Variants in PPP1R9A observed in about 807,000 individuals in gnomAD.
PPP1R9A encodes neurabin-1.
PPP1R9A carries 59 observed loss-of-function variants against 141.9 expected under a neutral mutation model. The ratio of observed to expected loss-of-function variants is 0.42; its 90% CI spans 0.34 to 0.52. The LOEUF (loss-of-function observed/expected upper bound fraction) is 0.52, where lower values mean the gene tolerates loss of function less well. PPP1R9A is among the 20% of genes least tolerant of loss of function. The probability of loss-of-function intolerance (pLI) is 0.10; values close to 1 mark genes in which losing one functional copy is unlikely to be tolerated. For missense variants in PPP1R9A, 1,444 were observed against 1,611.9 expected (o/e 0.90, Z 1.78); for synonymous variants, 500 against 569.7 (o/e 0.88, Z 1.74).
intron 5 of PPP1R9A, among the ~76,000 whole-genome samples, chr7:95,190,414 T>C (rs1267720484): frequency 6.6e-6 from 1 of 152,230 alleles, no homozygotes; most frequent in Non-Finnish European, 1.5e-5. Flanking sequence ...CAGTACCTGC[T>C]CTGGTGGAGT....
intron 2 of PPP1R9A, among the ~76,000 whole-genome samples, chr7:94,924,718 C>A (rs984975678): frequency 2.0e-5 from 3 of 151,954 alleles, no homozygotes; most frequent in African/African-American, 7.3e-5. Flanking sequence ...TTCGTAGAGA[C>A]GGGGTTTCAC....
At chr7:95,058,580 G>A (rs1323471886) in intron 2 of PPP1R9A, among the ~76,000 whole-genome samples, 3 of 152,098 alleles carry the variant, frequency 2.0e-5, no homozygotes, top group African/African-American at 4.8e-5. Context: ...GGAAGAAGAC[G>A]AGAAAGATAT....
intron 2 of PPP1R9A, among the ~76,000 whole-genome samples, chr7:94,936,771 T>C (rs1794813933): frequency 6.6e-6 from 1 of 152,006 alleles, no homozygotes; most frequent in South Asian, 2.1e-4. Context: ...TGTTACCAAA[T>C]GGTAAAACAT....
intron 12 of PPP1R9A, among the ~76,000 whole-genome samples, chr7:95,255,069 A>G (rs16868732): frequency 0.12 from 18,293 of 152,004 alleles, 1,214 homozygotes; most frequent in East Asian, 0.17. Context: ...ATTCTAGTTT[A>G]TATCAATGTG....
chr7:94,960,972 T>G (rs1325017618), intron 2 of PPP1R9A, among the ~76,000 whole-genome samples: 1 of 151,714 alleles, frequency 6.6e-6, no homozygotes, highest in Non-Finnish European at 1.5e-5. Context: ...GACCCATTTA[T>G]TGGCAGGGAA....
intron 7 of PPP1R9A, among the ~76,000 whole-genome samples, chr7:95,221,995 A>T (rs559917239): frequency 3.3e-5 from 5 of 152,202 alleles, no homozygotes; most frequent in African/African-American, 1.2e-4. Context: ...TTTGTTTGTC[A>T]GCGATTCCTC....
chr7:95,004,515 A>G (rs921616281), intron 2 of PPP1R9A, among the ~76,000 whole-genome samples: 2 of 152,182 alleles, frequency 1.3e-5, no homozygotes, highest in African/African-American at 4.8e-5. Flanking sequence ...GTACCGACTT[A>G]ATGAATGAGT....
Position 95,090,703 on chromosome 7 carries a change from G to A in PPP1R9A, c.1396-20556G>A, listed in dbSNP as rs765081576. Among the ~76,000 whole-genome samples the A allele has an allele frequency of 2.6e-5, 4 of 151,806 alleles. 1 individual carries two copies. The highest frequency in any genetic ancestry group is 5.9e-5 in the Non-Finnish European group (4 of 68,022). Reference sequence around the variant, plus strand: ...TGCACATATAATCCCAGCTACTTGGGAGGCTAAGGCAGGAGACTCGCTTGA... The same window carrying A: ...TGCACATATAATCCCAGCTACTTGGAAGGCTAAGGCAGGAGACTCGCTTGA... On this transcript the variant is annotated intron_variant, in intron 2 of 19. Transcript: ENST00000433360.
In PPP1R9A at chr7:94,910,197, G is replaced by A; in HGVS notation, c.84G>A (p.Gln28=). 2 of 1,614,070 alleles carry A rather than the reference G, an allele frequency of 1.2e-6. No homozygotes were observed. Among genetic ancestry groups the A allele is most frequent in the Non-Finnish European group, 8.5e-7 (1 of 1,180,002 alleles). ...GGAATGCATATCGAACTGAGTTTCA[G>A]GCACTGAAAAGTACCTTTGACAAAC... is the stretch of plus-strand genomic sequence containing the variant. The part of the protein sequence containing the change: ...PHRNAYRTEF[Q]ALKSTFDKPK... Residue 28 remains glutamine (Q), a synonymous_variant, in exon 2 of 20, where the codon CAG becomes CAA. Coordinates refer to ENST00000433360, the MANE Select transcript of PPP1R9A (RefSeq NM_001166160.2). The surrounding 1 kb of genome is among the most constrained non-coding windows in gnomAD (Gnocchi z 4.5).
chr7:95,193,618 A>C (rs1835828727), intron 5 of PPP1R9A, among the ~76,000 whole-genome samples: 1 of 151,826 alleles, frequency 6.6e-6, no homozygotes, highest in South Asian at 2.1e-4. Context: ...TCTTTTTTTG[A>C]GGATAGGAAG....
At position 95,015,284 on chromosome 7, in the gene PPP1R9A, C is replaced by A. The variant is rs564878336; in HGVS notation, c.1396-95975C>A. Among the ~76,000 whole-genome samples the A allele has an allele frequency of 2.0e-5, 3 of 151,700 alleles. No homozygotes were observed. In the South Asian group the frequency reaches 6.2e-4, roughly 31 times the overall value. On this transcript the variant is annotated intron_variant, in intron 2 of 19. Coordinates refer to ENST00000433360, the MANE Select transcript of PPP1R9A (RefSeq NM_001166160.2). ...CATACATATACATATATATCTGTTT[C>A]TGTGTTGATCTATCTATATTTAAAA...
In PPP1R9A at chr7:95,272,894, A is replaced by T. The variant is rs191537348; in HGVS notation, c.3125-1005A>T. 2.7e-3 allele frequency among the ~76,000 whole-genome samples: 416 copies of T among 152,370 alleles called. 1 individual carries two copies. Among genetic ancestry groups the T allele is most frequent in the African/African-American group, 8.6e-3 (356 of 41,600 alleles). On this transcript the variant is annotated intron_variant, in intron 14 of 19. Coordinates refer to ENST00000433360, the MANE Select transcript of PPP1R9A (RefSeq NM_001166160.2). ...TAAGAGACAGAAAAACAGATACCAA[A>T]AAAGAACTGGGGAGGAAGAGTTTCA... is the stretch of plus-strand genomic sequence containing the variant.
At chr7:94,977,468 A>G (rs1799579979) in intron 2 of PPP1R9A, among the ~76,000 whole-genome samples, 1 of 152,182 alleles carries the variant, frequency 6.6e-6, no homozygotes, top group African/African-American at 2.4e-5. Flanking sequence ...TTCGACTAAG[A>G]TGAGAATTGA....
At chr7:95,248,196 A>ATATATTTTTTTTTTTTTT (rs1389328637) in intron 9 of PPP1R9A, among the ~76,000 whole-genome samples, 1 of 148,158 alleles carries the variant, frequency 6.7e-6, no homozygotes, top group African/African-American at 2.5e-5. Context: ...TTAAAAATAT[A>ATATATTTTTTTTTTTTTT]TTTTAAATTA....
chr7:94,969,098 G>A (rs1798570257), intron 2 of PPP1R9A, among the ~76,000 whole-genome samples: 1 of 151,958 alleles, frequency 6.6e-6, no homozygotes, highest in Non-Finnish European at 1.5e-5. Flanking sequence ...TGCTCCTTTA[G>A]CTTGGAGGAG....
chr7:95,263,498 G>A (rs1218772876), intron 12 of PPP1R9A, among the ~76,000 whole-genome samples: 1 of 151,114 alleles, frequency 6.6e-6, no homozygotes, highest in Non-Finnish European at 1.5e-5. Context: ...GCAGTGGCCC[G>A]ATCTTGGCTC....
intron 16 of PPP1R9A, among the ~76,000 whole-genome samples, chr7:95,278,816 G>A (rs1340140769): frequency 6.6e-6 from 1 of 152,018 alleles, no homozygotes; most frequent in African/African-American, 2.4e-5. Flanking sequence ...TGTCAATATG[G>A]TTAAAAGCCT....
chr7:95,246,604 C>G (rs922594408), intron 8 of PPP1R9A, among the ~76,000 whole-genome samples: 1 of 152,180 alleles, frequency 6.6e-6, no homozygotes, highest in Non-Finnish European at 1.5e-5. Flanking sequence ...GTAGAAGATA[C>G]ATCGTAACTA....
intron 18 of PPP1R9A, chr7:95,286,994 C>T (rs974887750): frequency 1.8e-5 from 20 of 1,082,650 alleles, no homozygotes; most frequent in Admixed American, 1.1e-4. Context: ...CTTTTCTGCC[C>T]GTATTCTTCA....
Sources: gnomAD v4.1 joint callset for allele counts (sites outside exome capture counted in the v4.1 genomes callset) on GRCh38, gnomAD v4.1.1 for gene constraint, Gnocchi (gnomAD v3.1) non-coding constraint, MANE v1.5 for transcripts, NCBI Gene and HGNC (gene_info 2026-07-23, HGNC 2026-07-21) for gene names.